Variants in RALGAPA2 observed in about 807,000 individuals in gnomAD.
RALGAPA2 encodes ral GTPase-activating protein subunit alpha-2.
In RALGAPA2, 139 loss-of-function variants were observed where a neutral mutation model predicts 230.4. The observed-to-expected ratio is 0.60, with a 90% CI of 0.53 to 0.69. The LOEUF (loss-of-function observed/expected upper bound fraction) is 0.69. RALGAPA2 is among the 30% of genes least tolerant of loss of function. The probability of loss-of-function intolerance (pLI) is 0.00; values close to 1 mark genes in which losing one functional copy is unlikely to be tolerated. For synonymous variants in RALGAPA2, 847 were observed against 837.8 expected, an observed-to-expected ratio of 1.01 and a Z score of -0.19; for missense variants, 2,163 against 2,276.0, an observed-to-expected ratio of 0.95 and a Z score of 1.01.
In RALGAPA2 at chr20:20,457,206, G is replaced by A. The variant is rs2061142959; in HGVS notation, c.5495+15623C>T. On this transcript the variant is annotated intron_variant, in intron 37 of 39. Transcript: ENST00000202677. ...TAAGAAAGAGAAGGAGAGGGAGCGA[G>A]GGGCTGGCAGTAGAGCCCTCATTTA... Among the ~76,000 whole-genome samples, 3 of 152,302 alleles carry A rather than the reference G, an allele frequency of 2.0e-5. No individual in the cohort carries two copies. The South Asian group carries it at 6.2e-4, about 32-fold the overall frequency.
chr20:20,690,613 C>T (rs184112142), intron 1 of RALGAPA2, among the ~76,000 whole-genome samples: 1 of 148,116 alleles, frequency 6.8e-6, no homozygotes, highest in East Asian at 2.1e-4. Flanking sequence ...ATTCCGTCTT[C>T]TATGCCACCT....
chr20:20,632,277 G>A lies in RALGAPA2; in HGVS notation c.1006-2687C>T, dbSNP rs553575160. Among the ~76,000 whole-genome samples, 619 of 151,994 alleles carry A rather than the reference G, an allele frequency of 4.1e-3. 6 individuals carry two copies. Among genetic ancestry groups the A allele is most frequent in the African/African-American group, 0.014 (598 of 41,452 alleles). ...GATCTCCTGACCTCGTGATCCGCCC[G>A]CCTCGGCCTCCCAAAGTGCTGGGAT... On this transcript the variant is annotated intron_variant, in intron 9 of 39. Coordinates refer to ENST00000202677, the MANE Select transcript of RALGAPA2 (RefSeq NM_020343.4).
chr20:20,652,712 C>T (rs1568708362), intron 4 of RALGAPA2, among the ~76,000 whole-genome samples: 1 of 152,150 alleles, frequency 6.6e-6, no homozygotes, highest in Non-Finnish European at 1.5e-5. Flanking sequence ...GCAGAATTCA[C>T]GATTGATTTC....
At chr20:20,591,078 A>C in intron 17 of RALGAPA2, 99 bp downstream of exon 17, 2 of 1,303,794 alleles carry the variant, frequency 1.5e-6, no homozygotes, top group Non-Finnish European at 2.1e-6. Flanking sequence ...CCTTGAAATA[A>C]ATATATTCAG....
At chr20:20,596,684 C>A (rs977344242) in intron 16 of RALGAPA2, among the ~76,000 whole-genome samples, 9 of 152,200 alleles carry the variant, frequency 5.9e-5, no homozygotes, top group Admixed American at 1.3e-4. Context: ...CTCTAAAGTT[C>A]TTTCACCCTT....
At chr20:20,543,513 A>C (rs2063703219) in intron 24 of RALGAPA2, among the ~76,000 whole-genome samples, 1 of 152,238 alleles carries the variant, frequency 6.6e-6, no homozygotes, top group Non-Finnish European at 1.5e-5. Flanking sequence ...GGATTAAGAA[A>C]ATGTGGCACA....
intron 37 of RALGAPA2, among the ~76,000 whole-genome samples, chr20:20,455,046 T>C (rs1047297303): frequency 2.0e-5 from 3 of 152,198 alleles, no homozygotes; most frequent in African/African-American, 7.2e-5. Flanking sequence ...TCCATTTCCC[T>C]GAATCAAGTT....
chr20:20,408,484 A>G (rs1240645859), intron 38 of RALGAPA2, among the ~76,000 whole-genome samples: 2 of 152,236 alleles, frequency 1.3e-5, no homozygotes, highest in Non-Finnish European at 2.9e-5. Flanking sequence ...TAAAAAGCAA[A>G]GATTTACACT....
At chr20:20,512,354 T>C (rs565913398) in intron 32 of RALGAPA2, among the ~76,000 whole-genome samples, 159 bp downstream of exon 32, 23 of 152,300 alleles carry the variant, frequency 1.5e-4, no homozygotes, top group African/African-American at 5.3e-4. Flanking sequence ...CTAGCTTTAA[T>C]TTAGTAGCAG....
chr20:20,483,784 C>T (rs1451531337), intron 36 of RALGAPA2, among the ~76,000 whole-genome samples: 3 of 152,156 alleles, frequency 2.0e-5, no homozygotes, highest in Non-Finnish European at 4.4e-5. Context: ...CTCAGACAAT[C>T]AAGAAGTTCT....
chr20:20,665,254 GC>G (rs2067922810), intron 3 of RALGAPA2, among the ~76,000 whole-genome samples: 1 of 152,156 alleles, frequency 6.6e-6, no homozygotes, highest in Non-Finnish European at 1.5e-5. Flanking sequence ...TCTACCATCT[GC>G]CCTTAAAAGA....
intron 3 of RALGAPA2, among the ~76,000 whole-genome samples, chr20:20,669,628 C>T (rs192073039): frequency 7.6e-4 from 115 of 152,290 alleles, no homozygotes; most frequent in African/African-American, 2.8e-3. Flanking sequence ...CTTGCCCATT[C>T]CTTCCTGCAA....
chr20:20,505,248 A>G (rs2062498378), intron 34 of RALGAPA2, 163 bp downstream of exon 34: 21 of 919,618 alleles, frequency 2.3e-5, no homozygotes, highest in Non-Finnish European at 2.3e-5. Context: ...AAATACTGAC[A>G]AGCAACTAAC....
intron 28 of RALGAPA2, 49 bp from the exon 29 acceptor site, chr20:20,524,947 T>C (rs2063156286): frequency 1.3e-6 from 2 of 1,522,978 alleles, no homozygotes; most frequent in Non-Finnish European, 1.8e-6. Context: ...TTGTAAGCCT[T>C]TGTAAGCCTA....
At chr20:20,606,681 C>A (rs1250782210) in intron 14 of RALGAPA2, among the ~76,000 whole-genome samples, 1 of 152,162 alleles carries the variant, frequency 6.6e-6, no homozygotes, top group Non-Finnish European at 1.5e-5. Flanking sequence ...CAGGTCCCTG[C>A]ATTTTCCCCC....
intron 1 of RALGAPA2, among the ~76,000 whole-genome samples, chr20:20,697,856 A>T (rs2069178613): frequency 6.6e-6 from 1 of 152,316 alleles, no homozygotes; most frequent in African/African-American, 2.4e-5. Context: ...AGGTGGGAAA[A>T]GAGAGTGGAT....
At chr20:20,435,415 C>T (rs564914560) in intron 37 of RALGAPA2, among the ~76,000 whole-genome samples, 16 of 152,300 alleles carry the variant, frequency 1.1e-4, no homozygotes, top group African/African-American at 3.9e-4. Context: ...ACAGCATCTA[C>T]AGTTAAGGGC....
intron 37 of RALGAPA2, among the ~76,000 whole-genome samples, chr20:20,414,003 C>G (rs554118773): frequency 3.3e-5 from 5 of 152,254 alleles, no homozygotes; most frequent in African/African-American, 9.6e-5. Context: ...CGCCACGGCT[C>G]GGCCCTCCGT....
chr20:20,477,465 C>T lies in RALGAPA2; in HGVS notation c.5368-4509G>A, dbSNP rs907169976. On this transcript the variant is annotated intron_variant, in intron 36 of 39. Transcript: ENST00000202677. ...GTGTATGGCCTGCAAGCTAAGAATG[C>T]TTTTTACTTTGTAAACAGTTGGAAA... Among the ~76,000 whole-genome samples the T allele has an allele frequency of 5.9e-5, 9 of 152,214 alleles. No homozygotes were observed. The South Asian group carries it at 1.7e-3, about 28-fold the overall frequency.
Sources: allele counts gnomAD v4.1 joint callset (sites outside exome capture counted in the v4.1 genomes callset), GRCh38; gene constraint gnomAD v4.1.1; transcripts MANE v1.5; gene names NCBI Gene and HGNC (gene_info 2026-07-23, HGNC 2026-07-21).